The following COL18A1 variants were observed in gnomAD, a reference collection of about 807,000 sequenced individuals.
COL18A1 encodes collagen type XVIII alpha 1 chain.
COL18A1 carries 133 observed loss-of-function variants against 168.0 expected under a neutral mutation model. The observed-to-expected ratio is 0.79, with a 90% CI of 0.69 to 0.91. The LOEUF (loss-of-function observed/expected upper bound fraction) is 0.91, where lower values mean the gene tolerates loss of function less well. Among genes scored for constraint, COL18A1 ranks in the 40% least tolerant of loss-of-function variants. COL18A1 has a pLI of 0.00. For synonymous variants in COL18A1, 949 were observed against 809.0 expected, an observed-to-expected ratio of 1.17 and a Z score of -2.94; for missense variants, 2,126 against 1,925.4, an observed-to-expected ratio of 1.10 and a Z score of -1.95.
Position 45,490,170 on chromosome 21 carries a change from G to A in COL18A1, c.1960-105G>A. On this transcript the variant is annotated intron_variant, in intron 19 of 41. Coordinates refer to ENST00000651438, the MANE Select transcript of COL18A1 (RefSeq NM_001379500.1). Reference sequence around the variant, plus strand: ...AGGCCCACAGGGGTGAGAGAGAGAAGTCCAGGCCATCGCCACGTCCACGGG... The same window carrying A: ...AGGCCCACAGGGGTGAGAGAGAGAAATCCAGGCCATCGCCACGTCCACGGG... 3 of 896,122 alleles carry A rather than the reference G, an allele frequency of 3.3e-6. No individual in the cohort carries two copies. In the African/African-American group the frequency reaches 5.5e-5, roughly 16 times the overall value. 55.5% of individuals were successfully genotyped at this position (896,122 alleles called of 1,614,324 possible).
intron 2 of COL18A1, chr21:45,456,619 C>T (rs1051417734): frequency 2.3e-5 from 35 of 1,539,400 alleles, no homozygotes; most frequent in African/African-American, 2.7e-5. Flanking sequence ...ACGAGAGCGG[C>T]GAGCAGGTGC....
intron 26 of COL18A1, chr21:45,494,244 G>GTCCTCCA: frequency 2.2e-6 from 1 of 447,290 alleles, no homozygotes; most frequent in Admixed American, 3.5e-5. Context: ...CGTGGCACAT[G>GTCCTCCA]CCCTCCACCC....
At chr21:45,468,831 T>TTG in intron 3 of COL18A1, 45 bp downstream of exon 3, 2 of 594,540 alleles carry the variant, frequency 3.4e-6, no homozygotes, top group Non-Finnish European at 5.8e-6. Flanking sequence ...GCAGCTGGGA[T>TTG]GGGGTGGGGT....
intron 3 of COL18A1, among the ~76,000 whole-genome samples, chr21:45,469,618 G>C (rs1192008691): frequency 2.6e-5 from 4 of 152,240 alleles, no homozygotes; most frequent in Non-Finnish European, 2.9e-5. Flanking sequence ...CAAAGCCCCT[G>C]CATTTCTGGG....
At chr21:45,494,798 C>T (rs1291559541) in intron 27 of COL18A1, 64 bp from the exon 28 acceptor site, 7 of 1,458,454 alleles carry the variant, frequency 4.8e-6, no homozygotes, top group Non-Finnish European at 6.6e-6. Flanking sequence ...TTCCCCAGGA[C>T]CCCCCAACTC....
chr21:45,443,938 C>T lies in COL18A1; in HGVS notation c.107-24304C>T, dbSNP rs1242748987. Among the ~76,000 whole-genome samples the T allele has an allele frequency of 2.0e-5, 3 of 152,168 alleles. No homozygotes were observed. The highest frequency in any genetic ancestry group is 2.9e-5 in the Non-Finnish European group (2 of 68,026). ...CCCAGTGGCAGCCAGGACTGCCTGT[C>T]CTCTTTTGGGTGGCCAGGATGTCAC... is the stretch of plus-strand genomic sequence containing the variant. On this transcript the variant is annotated intron_variant, in intron 2 of 41. Transcript: ENST00000651438. This position sits in a 1 kb window ranked among gnomAD's most constrained non-coding sequence, Gnocchi z 5.2.
At chr21:45,439,740 T>G (rs568809537) in intron 2 of COL18A1, among the ~76,000 whole-genome samples, 1 of 146,294 alleles carries the variant, frequency 6.8e-6, no homozygotes, top group East Asian at 1.9e-4. Flanking sequence ...GCAAGCAGGG[T>G]TTGGATTTGG....
At chr21:45,493,832 G>A in intron 26 of COL18A1, 1 of 539,992 alleles carries the variant, frequency 1.9e-6, no homozygotes, top group Admixed American at 3.2e-5. Flanking sequence ...GGTTCTCAGT[G>A]GGCTGCAGCT....
chr21:45,497,106 GC>G lies in COL18A1; in HGVS notation c.2620+15del, dbSNP rs756016283. 6.5e-7 allele frequency: 1 copy of G among 1,540,010 alleles called. No individual in the cohort carries two copies. Reference sequence around the variant, plus strand: ...CAGGATTGCCAGGTGAGGGTCCTGGGCTCACAGCTGGGGACACAGGCTCTGA... The same window carrying G: ...CAGGATTGCCAGGTGAGGGTCCTGGGTCACAGCTGGGGACACAGGCTCTGA... On this transcript the variant is annotated intron_variant, in intron 31 of 41. Coordinates refer to ENST00000651438, the MANE Select transcript of COL18A1 (RefSeq NM_001379500.1).
intron 2 of COL18A1, chr21:45,408,377 C>T (rs1286011939): frequency 6.6e-6 from 1 of 152,292 alleles, no homozygotes; most frequent in African/African-American, 2.4e-5. Flanking sequence ...ACACATGCCC[C>T]CCGCAGGCGT....
chr21:45,488,582 A>T, intron 18 of COL18A1, 138 bp downstream of exon 18: 1 of 1,238,024 alleles, frequency 8.1e-7, no homozygotes, highest in Non-Finnish European at 1.2e-6. Flanking sequence ...GAAGTTTGCA[A>T]AATACAGCAA....
intron 24 of COL18A1, 33 bp from the exon 25 acceptor site, chr21:45,493,127 AGCC>A (rs1000106408): frequency 6.5e-7 from 1 of 1,545,338 alleles, no homozygotes; most frequent in Non-Finnish European, 8.7e-7. Context: ...GGGAGATGCC[AGCC>A]GCTCGGGCCT....
intron 2 of COL18A1, among the ~76,000 whole-genome samples, chr21:45,444,116 G>A (rs138766569): frequency 1.3e-5 from 2 of 152,318 alleles, no homozygotes; most frequent in Non-Finnish European, 2.9e-5. Flanking sequence ...TCCTGGCCTG[G>A]CGTGGTCGTC....
intron 35 of COL18A1, 22 bp downstream of exon 35, chr21:45,505,300 C>A: frequency 6.2e-7 from 1 of 1,606,028 alleles, no homozygotes; most frequent in East Asian, 2.2e-5. Context: ...GGGAGTGGGC[C>A]CCGGGCAGAG....
At chr21:45,470,890 A>G (rs1356816411) in intron 3 of COL18A1, among the ~76,000 whole-genome samples, 1 of 151,266 alleles carries the variant, frequency 6.6e-6, no homozygotes, top group Admixed American at 6.6e-5. Flanking sequence ...AACAGGAGGG[A>G]GCTAGAGGGC....
intron 36 of COL18A1, 151 bp from the exon 37 acceptor site, chr21:45,505,687 C>T (rs938592578): frequency 2.8e-6 from 2 of 708,444 alleles, no homozygotes; most frequent in East Asian, 2.7e-5. Flanking sequence ...GCAGGGGTCC[C>T]CATGGTGCTC....
chr21:45,446,580 A>G (rs1394300235), intron 2 of COL18A1, among the ~76,000 whole-genome samples: 1 of 152,264 alleles, frequency 6.6e-6, no homozygotes, highest in African/African-American at 2.4e-5. Flanking sequence ...AAGCATTTAA[A>G]GAATTAAAAC....
At chr21:45,489,657 G>C (rs927828811) in intron 19 of COL18A1, 136 bp downstream of exon 19, 3 of 656,258 alleles carry the variant, frequency 4.6e-6, no homozygotes, top group South Asian at 4.0e-5. Flanking sequence ...AATTGAAGAC[G>C]TGCTGGTTTC....
At chr21:45,508,562 C>T (rs1047678644) in intron 38 of COL18A1, among the ~76,000 whole-genome samples, 1 of 151,516 alleles carries the variant, frequency 6.6e-6, no homozygotes, top group African/African-American at 2.4e-5. Context: ...TTTCGTTTTC[C>T]TAAGTGTTGC....
Sources: gnomAD v4.1 joint callset for allele counts (sites outside exome capture counted in the v4.1 genomes callset) on GRCh38, gnomAD v4.1.1 for gene constraint, Gnocchi (gnomAD v3.1) non-coding constraint, MANE v1.5 for transcripts, NCBI Gene and HGNC (gene_info 2026-07-23, HGNC 2026-07-21) for gene names.